DTNA: variants seen among roughly 807,000 people sequenced by gnomAD.
The protein encoded by DTNA is dystrophin-related protein 3.
DTNA carries 43 observed loss-of-function variants against 100.7 expected under a neutral mutation model. The observed-to-expected ratio is 0.43, with a 90% CI of 0.33 to 0.55. The LOEUF is 0.55. DTNA is among the 20% of genes least tolerant of loss of function. The probability of loss-of-function intolerance (pLI) is 0.04; values close to 1 mark genes in which losing one functional copy is unlikely to be tolerated. For synonymous variants in DTNA, 349 were observed against 347.9 expected, an observed-to-expected ratio of 1.00 and a Z score of -0.04; for missense variants, 798 against 953.9, an observed-to-expected ratio of 0.84 and a Z score of 2.15.
chr18:34,890,677 A>G lies in DTNA; in HGVS notation c.*2943A>G. The G allele has an allele frequency of 1.5e-6, 1 of 686,812 alleles. No homozygotes were observed. 42.5% of individuals were successfully genotyped at this position (686,812 alleles called of 1,614,324 possible). A position where few individuals can be genotyped will look rare whatever the true frequency, so the allele number is the denominator to read the frequency against. On this transcript the variant is annotated 3_prime_UTR_variant, in exon 23 of 23. Transcript: ENST00000444659. The stretch of plus-strand genomic sequence containing the variant: ...CAGGAAACAGTTGTGGTTGGTCAGG[A>G]CGGAAGTTGGGGTAAGTTTGGTTGG...
chr18:34,512,106 A>G (rs2041148275), intron 1 of DTNA, among the ~76,000 whole-genome samples: 1 of 151,926 alleles, frequency 6.6e-6, no homozygotes, highest in South Asian at 2.1e-4. Context: ...TATGCCCTTG[A>G]TTCTTTTAAT....
At chr18:34,726,065 A>T (rs190760199) in intron 1 of DTNA, among the ~76,000 whole-genome samples, 1 of 152,152 alleles carries the variant, frequency 6.6e-6, no homozygotes. Context: ...ACATGGACAC[A>T]GGGAGGGAAC....
intron 1 of DTNA, among the ~76,000 whole-genome samples, chr18:34,621,804 G>A (rs1193793667): frequency 6.6e-6 from 1 of 152,200 alleles, no homozygotes; most frequent in Non-Finnish European, 1.5e-5. Flanking sequence ...ATTGCTAAGA[G>A]AGTAGATATT....
intron 1 of DTNA, among the ~76,000 whole-genome samples, chr18:34,557,566 T>C (rs1218027089): frequency 2.3e-4 from 35 of 151,046 alleles, no homozygotes; most frequent in Non-Finnish European, 4.5e-4. Context: ...TCCTTTCTGT[T>C]TGTTAGTTTT....
At chr18:34,745,049 A>G (rs2091344128) in intron 1 of DTNA, among the ~76,000 whole-genome samples, 1 of 152,100 alleles carries the variant, frequency 6.6e-6, no homozygotes, top group African/African-American at 2.4e-5. Flanking sequence ...GAACACAGTG[A>G]GAAGGGGCCT....
intron 1 of DTNA, among the ~76,000 whole-genome samples, chr18:34,728,796 G>C (rs545633913): frequency 6.6e-6 from 1 of 152,250 alleles, no homozygotes; most frequent in South Asian, 2.1e-4. Flanking sequence ...CAAACAGCAG[G>C]TAAGATGGCT....
intron 9 of DTNA, among the ~76,000 whole-genome samples, chr18:34,824,855 A>G (rs1437168326): frequency 6.6e-6 from 1 of 151,678 alleles, no homozygotes; most frequent in Non-Finnish European, 1.5e-5. Context: ...CACAACTTAA[A>G]TGTGAAAAAA....
In DTNA at chr18:34,572,040, C is replaced by T. The variant is rs1172958513; in HGVS notation, c.-2+78526C>T. On this transcript the variant is annotated intron_variant, in intron 1 of 19. Coordinates refer to the DTNA transcript ENST00000283365. The stretch of plus-strand genomic sequence containing the variant: ...AAGGCCCTGACATCATATCAAAATT[C>T]AGTCAGTTATCTTAATGCATAATAT... Among the ~76,000 whole-genome samples, 4 of 152,264 alleles carry T rather than the reference C, an allele frequency of 2.6e-5. No individual in the cohort carries two copies. In the South Asian group the frequency reaches 8.3e-4, roughly 32 times the overall value.
At chr18:34,681,107 A>G (rs2078040680) in intron 1 of DTNA, among the ~76,000 whole-genome samples, 1 of 152,112 alleles carries the variant, frequency 6.6e-6, no homozygotes, top group African/African-American at 2.4e-5. Context: ...TTCCCAATTT[A>G]GCTTCTCAAT....
chr18:34,781,514 A>G (rs2094321407), intron 3 of DTNA, among the ~76,000 whole-genome samples: 1 of 152,096 alleles, frequency 6.6e-6, no homozygotes, highest in East Asian at 1.9e-4. Flanking sequence ...TTTTTAACAA[A>G]AGATACACTC....
chr18:34,814,303 T>C (rs2095549125), intron 6 of DTNA, among the ~76,000 whole-genome samples: 1 of 152,202 alleles, frequency 6.6e-6, no homozygotes, highest in African/African-American at 2.4e-5. Flanking sequence ...TAGTGTATTA[T>C]AGAATAATTG....
chr18:34,838,797 A>G lies in DTNA; in HGVS notation c.1306A>G (p.Ile436Val). ...CAGGCTAGCTGATGAACATGTTCTCATCGGGTTGTATGTCAACATGCTCCG... is the reference window on the plus strand; with the variant it reads ...CAGGCTAGCTGATGAACATGTTCTCGTCGGGTTGTATGTCAACATGCTCCG... ...ADRLADEHVL[I>V]GLYVNMLRNN... Residue 436 changes from isoleucine to valine, a missense_variant, in exon 13 of 23, where the codon ATC becomes GTC. Physicochemically the swap from Ile to Val is conservative, Grantham distance 29 (BLOSUM62 3). Around this residue, in one of 6 missense-constraint regions of DTNA, gnomAD observed 159 missense variants for 201.2 expected, o/e 0.79. Coordinates refer to ENST00000444659, the MANE Select transcript of DTNA (RefSeq NM_001386795.1). 2 of 1,613,778 alleles carry G rather than the reference A, an allele frequency of 1.2e-6. No individual in the cohort carries two copies. The highest frequency in any genetic ancestry group is 1.7e-6 in the Non-Finnish European group (2 of 1,179,782).
intron 1 of DTNA, among the ~76,000 whole-genome samples, chr18:34,604,823 A>G (rs955615543): frequency 1.3e-5 from 2 of 152,152 alleles, no homozygotes; most frequent in East Asian, 1.9e-4. Context: ...TTATTGCTCC[A>G]GTTTCCTATA....
intron 1 of DTNA, among the ~76,000 whole-genome samples, chr18:34,663,872 G>A (rs555710779): frequency 1.8e-4 from 28 of 152,194 alleles, no homozygotes; most frequent in South Asian, 1.7e-3. Flanking sequence ...AAAATAATAC[G>A]TAAACATTTG....
At chr18:34,696,490 A>G (rs895129915) in intron 1 of DTNA, among the ~76,000 whole-genome samples, 3 of 152,174 alleles carry the variant, frequency 2.0e-5, no homozygotes, top group Non-Finnish European at 2.9e-5. Context: ...AGGCAAGAGA[A>G]TCACTTGAAC....
At chr18:34,523,862 G>C (rs1278138846) in intron 1 of DTNA, among the ~76,000 whole-genome samples, 1 of 151,938 alleles carries the variant, frequency 6.6e-6, no homozygotes, top group African/African-American at 2.4e-5. Context: ...TTCTATTTTT[G>C]ATTTTGCTAA....
chr18:34,796,025 A>G (rs1178143549), intron 4 of DTNA, among the ~76,000 whole-genome samples: 1 of 152,228 alleles, frequency 6.6e-6, no homozygotes, highest in South Asian at 2.1e-4. Context: ...TTCAGAAGAA[A>G]TCTTTATTTG....
rs568850706 is a variant in DTNA, at chr18:34,888,348, C to T, written c.*614C>T. ...AGAATTTGGTTCCTGAGTGTACAAA[C>T]TCAGAGCCCGGAAGCCAAGAAGGGT... On this transcript the variant is annotated 3_prime_UTR_variant, in exon 23 of 23. Transcript: ENST00000444659. The T allele has an allele frequency of 5.1e-6, 5 of 985,740 alleles. No homozygotes were observed. The East Asian group carries it at 5.7e-4, about 112-fold the overall frequency. The allele number at this position is 985,740 out of a possible 1,614,324, so 61.1% of individuals were successfully genotyped here.
chr18:34,606,432 A>G (rs2053125932), intron 1 of DTNA, among the ~76,000 whole-genome samples: 1 of 152,188 alleles, frequency 6.6e-6, no homozygotes, highest in Non-Finnish European at 1.5e-5. Flanking sequence ...ATTTTTTATA[A>G]TCATTTCACA....
Sources: gnomAD v4.1 joint callset for allele counts (sites outside exome capture counted in the v4.1 genomes callset) on GRCh38, gnomAD v4.1.1 for gene constraint, gnomAD v4.1.1 regional missense constraint, MANE v1.5 for transcripts, NCBI Gene and HGNC (gene_info 2026-07-23, HGNC 2026-07-21) for gene names.